NEDD9: variants seen among roughly 807,000 people sequenced by gnomAD.
The protein encoded by NEDD9 is enhancer of filamentation 1.
A neutral mutation model predicts 76.6 loss-of-function variants in NEDD9; 26 were observed. The observed-to-expected ratio is 0.34, with a 90% CI of 0.25 to 0.47. The LOEUF (loss-of-function observed/expected upper bound fraction) is 0.47, where lower values mean the gene tolerates loss of function less well. Ranked by LOEUF, NEDD9 falls within the 20% of genes least tolerant of loss-of-function variation. NEDD9 has a pLI of 1.00. For synonymous variants in NEDD9, 392 were observed against 414.2 expected, an observed-to-expected ratio of 0.95 and a Z score of 0.65; for missense variants, 937 against 1,058.5, an observed-to-expected ratio of 0.89 and a Z score of 1.59.
chr6:11,200,346 G>T, intron 2 of NEDD9: 1 of 484,120 alleles, frequency 2.1e-6, no homozygotes, highest in Non-Finnish European at 3.8e-6. Flanking sequence ...TGCCTATGAG[G>T]CTGGCAGAAG....
intron 3 of NEDD9, among the ~76,000 whole-genome samples, chr6:11,247,093 T>A (rs967660732): frequency 2.0e-5 from 3 of 152,186 alleles, no homozygotes; most frequent in African/African-American, 4.8e-5. Flanking sequence ...CACTGCCACA[T>A]GAAATGAAAG....
chr6:11,288,388 A>G (rs1760694610), intron 3 of NEDD9, among the ~76,000 whole-genome samples: 1 of 152,220 alleles, frequency 6.6e-6, no homozygotes, highest in South Asian at 2.1e-4. Context: ...TGACAAGTAG[A>G]CCAGAATGTG....
chr6:11,381,154 A>G (rs770198408), intron 1 of NEDD9, among the ~76,000 whole-genome samples: 6 of 152,250 alleles, frequency 3.9e-5, no homozygotes, highest in Non-Finnish European at 8.8e-5. Context: ...CCAAGCTTGG[A>G]AGAAAACAGA....
chr6:11,345,920 C>T (rs767746590), intron 1 of NEDD9, among the ~76,000 whole-genome samples: 8 of 152,214 alleles, frequency 5.3e-5, no homozygotes, highest in East Asian at 1.9e-4. Context: ...GGTTGTTCCT[C>T]GAACACAACT....
intron 2 of NEDD9, among the ~76,000 whole-genome samples, chr6:11,323,156 C>T (rs1456847445): frequency 6.6e-6 from 1 of 152,160 alleles, no homozygotes. Flanking sequence ...ACGGTGAGCT[C>T]ACAAAAATCT....
At chr6:11,224,156 T>C (rs777843603) in intron 1 of NEDD9, among the ~76,000 whole-genome samples, 2 of 152,246 alleles carry the variant, frequency 1.3e-5, no homozygotes, top group African/African-American at 2.4e-5. Flanking sequence ...GGATCTGCCA[T>C]GGCTGAATTT....
chr6:11,197,646 A>G (rs546766410), intron 2 of NEDD9, among the ~76,000 whole-genome samples: 4 of 152,314 alleles, frequency 2.6e-5, no homozygotes, highest in African/African-American at 9.6e-5. Context: ...GCAGGATAGG[A>G]TCAAAAGCCC....
In NEDD9 at chr6:11,198,145, AC is replaced by A. The variant is rs1299720388; in HGVS notation, c.460-4454del. ...TGCGCCCTGTGTTGCCAGATCTTTCACGTTTTCAGAAGCCAGAAATTTGGAA... is the reference window on the plus strand; with the variant it reads ...TGCGCCCTGTGTTGCCAGATCTTTCAGTTTTCAGAAGCCAGAAATTTGGAA... On this transcript the variant is annotated intron_variant, in intron 2 of 6. Transcript: ENST00000379446. This position sits in a 1 kb window ranked among gnomAD's most constrained non-coding sequence, Gnocchi z 4.7. Among the ~76,000 whole-genome samples, 1 of 152,202 alleles carries A rather than the reference AC, an allele frequency of 6.6e-6. No homozygotes were observed. The highest frequency in any genetic ancestry group is 2.4e-5 in the African/African-American group (1 of 41,444).
intron 2 of NEDD9, among the ~76,000 whole-genome samples, chr6:11,309,059 A>G (rs1761284929): frequency 1.3e-5 from 2 of 152,188 alleles, no homozygotes; most frequent in Admixed American, 6.5e-5. Context: ...TGTTCTCGTC[A>G]TTCCCTCCTT....
intron 2 of NEDD9, among the ~76,000 whole-genome samples, chr6:11,316,058 C>A (rs1371374257): frequency 1.3e-5 from 2 of 152,192 alleles, no homozygotes; most frequent in Non-Finnish European, 2.9e-5. Context: ...TTTTAGGAAT[C>A]TCCTGGCAGA....
intron 3 of NEDD9, among the ~76,000 whole-genome samples, chr6:11,294,720 A>T (rs1323249034): frequency 6.6e-6 from 1 of 151,794 alleles, no homozygotes; most frequent in Non-Finnish European, 1.5e-5. Context: ...TATCCTCACA[A>T]CACTTATTAG....
At chr6:11,290,076 GAGTTCTTTCCACTCGTATTACCTCCAGAC>G (rs1760733490) in intron 3 of NEDD9, among the ~76,000 whole-genome samples, 1 of 152,166 alleles carries the variant, frequency 6.6e-6, no homozygotes, top group African/African-American at 2.4e-5. Flanking sequence ...TTTCACACAG[GAGTTCTTTCCACTCGTATTACCTCCAGAC>G]AGCCTTACGA....
chr6:11,225,108 C>T (rs1225093369), intron 1 of NEDD9, among the ~76,000 whole-genome samples: 1 of 152,012 alleles, frequency 6.6e-6, no homozygotes, highest in East Asian at 1.9e-4. Context: ...CGCCCCCCTG[C>T]CCCCCAACCA....
chr6:11,340,371 A>G (rs1173310680), intron 1 of NEDD9, among the ~76,000 whole-genome samples: 1 of 152,224 alleles, frequency 6.6e-6, no homozygotes, highest in African/African-American at 2.4e-5. Flanking sequence ...CTCAGATAGT[A>G]ATAGTTAACA....
intron 2 of NEDD9, among the ~76,000 whole-genome samples, chr6:11,330,567 A>G (rs1170984895): frequency 6.6e-6 from 1 of 152,174 alleles, no homozygotes; most frequent in Non-Finnish European, 1.5e-5. Context: ...CTGGAAGCCA[A>G]TCACTCAGCA....
chr6:11,315,723 A>G (rs1396203889), intron 2 of NEDD9, among the ~76,000 whole-genome samples: 2 of 152,216 alleles, frequency 1.3e-5, no homozygotes, highest in African/African-American at 2.4e-5. Flanking sequence ...TTAAAGATCT[A>G]CAAAACAAGT....
At chr6:11,296,507 C>T (rs1385983926) in intron 3 of NEDD9, among the ~76,000 whole-genome samples, 5 of 152,210 alleles carry the variant, frequency 3.3e-5, no homozygotes, top group Non-Finnish European at 5.9e-5. Context: ...TCTCTGTTTA[C>T]AGCATTTACT....
At position 11,190,680 on chromosome 6, in the gene NEDD9, C is replaced by G. The variant is rs749013841; in HGVS notation, c.1189G>C (p.Ala397Pro). Residue 397 changes from alanine to proline, a missense_variant, in exon 5 of 7, where the codon GCT (alanine) becomes CCT (proline). Transcript: ENST00000379446. The surrounding 1 kb of genome is among the most constrained non-coding windows in gnomAD (Gnocchi z 5.8). ...SKESSLSASP[A>P]QDKRLFLDPD... The stretch of plus-strand genomic sequence containing the variant: ...TCCAGGAAGAGCCTTTTGTCCTGAG[C>G]TGGGGAGGCTGACAGTGAGGACTCC... 1.2e-6 allele frequency: 2 copies of G among 1,614,126 alleles called. No individual in the cohort carries two copies. The highest frequency in any genetic ancestry group is 8.5e-7 in the Non-Finnish European group (1 of 1,180,028).
At chr6:11,203,957 G>A (rs1758526873) in intron 2 of NEDD9, among the ~76,000 whole-genome samples, 1 of 141,880 alleles carries the variant, frequency 7.0e-6, no homozygotes. Flanking sequence ...TATAATCAAT[G>A]CTTGAGTATC....
Sources: allele counts gnomAD v4.1 joint callset (sites outside exome capture counted in the v4.1 genomes callset), GRCh38; gene constraint gnomAD v4.1.1; non-coding constraint Gnocchi (gnomAD v3.1); transcripts MANE v1.5; gene names NCBI Gene and HGNC (gene_info 2026-07-23, HGNC 2026-07-21).